ADAM7: variants seen among roughly 807,000 people sequenced by gnomAD.
The protein encoded by ADAM7 is ADAM metallopeptidase domain 7.
A neutral mutation model predicts 102.9 loss-of-function variants in ADAM7; 97 were observed. That is an observed-to-expected ratio of 0.94 (90% CI 0.80 to 1.12). ADAM7 has a LOEUF of 1.12. Among genes scored for constraint, ADAM7 ranks in the 50% most tolerant of loss-of-function variants. The probability of loss-of-function intolerance (pLI) is 0.00; values close to 1 mark genes in which losing one functional copy is unlikely to be tolerated. For synonymous variants in ADAM7, 334 were observed against 304.4 expected (o/e 1.10, Z -1.01); for missense variants, 991 against 908.7 (o/e 1.09, Z -1.16).
intron 2 of ADAM7, among the ~76,000 whole-genome samples, chr8:24,445,310 C>T (rs138494832): frequency 0.14 from 20,905 of 152,110 alleles, 1,658 homozygotes; most frequent in Non-Finnish European, 0.18. Flanking sequence ...TATGATAAAG[C>T]TGTAATTTTA....
intron 3 of ADAM7, 61 bp downstream of exon 3, chr8:24,447,323 C>G: frequency 1.1e-6 from 1 of 935,590 alleles, no homozygotes; most frequent in Non-Finnish European, 1.5e-6. Context: ...AGCCAATTTT[C>G]GTAAAAACTG....
At position 24,463,961 on chromosome 8, in the gene ADAM7, G is replaced by C; in HGVS notation, c.312+1G>C. ...GTTCACCAGGCATCCTCAGATCATG[G>C]TATCTTATGGAACTTTACTGTGTCT... On this transcript the variant is annotated splice_donor_variant, in intron 4 of 21. Transcript: ENST00000175238. LOFTEE classifies it high-confidence loss of function. 6.2e-7 allele frequency: 1 copy of C among 1,609,264 alleles called. No individual in the cohort carries two copies. Among genetic ancestry groups the C allele is most frequent in the South Asian group, 1.1e-5 (1 of 90,974 alleles).
chr8:24,461,011 G>T (rs1045637193), intron 3 of ADAM7, among the ~76,000 whole-genome samples: 4 of 151,780 alleles, frequency 2.6e-5, no homozygotes, highest in Admixed American at 2.0e-4. Context: ...GTAAGTCTTT[G>T]TCTTCCTTCT....
chr8:24,508,980 C>T lies in ADAM7; in HGVS notation c.*434C>T. The T allele has an allele frequency of 2.0e-6, 2 of 999,334 alleles. No individual in the cohort carries two copies. The highest frequency in any genetic ancestry group is 2.4e-6 in the Non-Finnish European group (2 of 839,196). The allele number at this position is 999,334 out of a possible 1,614,324, so 61.9% of individuals were successfully genotyped here. A position where few individuals can be genotyped will look rare whatever the true frequency, so the allele number is the denominator to read the frequency against. ...TAAAACTTGAACATGACATCATTAG[C>T]ACTAATTCTGGTTTAAATGAAAGTC... On this transcript the variant is annotated 3_prime_UTR_variant, in exon 22 of 22. Coordinates refer to ENST00000175238, the MANE Select transcript of ADAM7 (RefSeq NM_003817.4).
intron 21 of ADAM7, among the ~76,000 whole-genome samples, chr8:24,508,236 A>T (rs1380117242): frequency 1.3e-5 from 2 of 152,188 alleles, no homozygotes; most frequent in Admixed American, 6.5e-5. Context: ...TTTTCTAATG[A>T]TCTTTCCACT....
Position 24,466,899 on chromosome 8 carries a change from TA to T in ADAM7, c.491del (p.Tyr164LeufsTer29), listed in dbSNP as rs778867805. 1 of 1,614,086 alleles carries T rather than the reference TA, an allele frequency of 6.2e-7. No homozygotes were observed. The highest frequency in any genetic ancestry group is 1.1e-5 in the South Asian group (1 of 91,082). ...LVFKYNLRVPYGANYSCTELN... is the reference protein window; with the variant it reads ...LVFKYNLRVPXGANYSCTELN... ...GTTCAAATATAACCTGAGGGTGCCGTATGGTGCCAATTATTCCTGTACAGAG... is the reference window on the plus strand; with the variant it reads ...GTTCAAATATAACCTGAGGGTGCCGTTGGTGCCAATTATTCCTGTACAGAG... On this transcript the variant is annotated frameshift_variant, in exon 6 of 22. Transcript: ENST00000175238. LOFTEE classifies it high-confidence loss of function.
intron 3 of ADAM7, among the ~76,000 whole-genome samples, chr8:24,448,532 T>C (rs1400097029): frequency 6.6e-6 from 1 of 152,196 alleles, no homozygotes; most frequent in Non-Finnish European, 1.5e-5. Flanking sequence ...GTGAATATTA[T>C]GTGATTGGAT....
At chr8:24,485,603 A>G (rs1208223578) in intron 10 of ADAM7, among the ~76,000 whole-genome samples, 5 of 152,214 alleles carry the variant, frequency 3.3e-5, no homozygotes, top group African/African-American at 1.2e-4. Context: ...ACCACAGATC[A>G]GCATGCAATG....
At chr8:24,485,584 G>A (rs954426900) in intron 10 of ADAM7, among the ~76,000 whole-genome samples, 1 of 152,058 alleles carries the variant, frequency 6.6e-6, no homozygotes, top group Non-Finnish European at 1.5e-5. Context: ...GAGTTTAAAC[G>A]GATAGTATAC....
At chr8:24,478,895 C>T (rs563447539) in intron 8 of ADAM7, among the ~76,000 whole-genome samples, 23 of 152,100 alleles carry the variant, frequency 1.5e-4, no homozygotes, top group African/African-American at 5.6e-4. Flanking sequence ...TTTGCTAGGT[C>T]ATTAACATGC....
intron 6 of ADAM7, among the ~76,000 whole-genome samples, chr8:24,467,933 T>C (rs1819482775): frequency 1.3e-5 from 2 of 151,812 alleles, no homozygotes; most frequent in African/African-American, 4.8e-5. Flanking sequence ...GCAGTAGTGG[T>C]GTGCGCCTGT....
intron 4 of ADAM7, among the ~76,000 whole-genome samples, chr8:24,465,170 AG>A (rs967429653): frequency 2.6e-4 from 39 of 152,128 alleles, no homozygotes; most frequent in African/African-American, 9.4e-4. Context: ...TCTTTTATGC[AG>A]GGGGTGGGTT....
At chr8:24,449,461 G>A (rs1818693603) in intron 3 of ADAM7, among the ~76,000 whole-genome samples, 1 of 152,280 alleles carries the variant, frequency 6.6e-6, no homozygotes, top group East Asian at 1.9e-4. Flanking sequence ...CTTTTGAGAA[G>A]TGTCTGTTCA....
chr8:24,466,944 A>C lies in ADAM7; in HGVS notation c.535A>C (p.Thr179Pro), dbSNP rs752117930. 13 of 1,613,870 alleles carry C rather than the reference A, an allele frequency of 8.1e-6. No homozygotes were observed. The highest frequency in any genetic ancestry group is 1.1e-5 in the South Asian group (1 of 91,070). ...SCTELNFTRK[T>P]VPGDNESEED... Reference sequence around the variant, plus strand: ...TACAGAGCTTAATTTTACCAGAAAAACTGTTCCAGGGGATAATGAATCTGA... The same window carrying C: ...TACAGAGCTTAATTTTACCAGAAAACCTGTTCCAGGGGATAATGAATCTGA... The change falls in exon 6 of 22, where the codon ACT becomes CCT. Residue 179 changes from threonine to proline, a missense_variant. Transcript: ENST00000175238.
At chr8:24,467,698 A>G (rs11135805) in intron 6 of ADAM7, 41,211 of 152,214 alleles carry the variant, frequency 0.27, 6,444 homozygotes, top group South Asian at 0.4. Context: ...CTCAGAGAAT[A>G]TGTACATACC....
intron 16 of ADAM7, among the ~76,000 whole-genome samples, chr8:24,496,934 C>A (rs561238305): frequency 9.2e-5 from 14 of 152,238 alleles, no homozygotes; most frequent in African/African-American, 3.4e-4. Flanking sequence ...AATGTGAGGA[C>A]ATGAGATTTG....
At chr8:24,507,329 C>A in intron 20 of ADAM7, 151 bp from the exon 21 acceptor site, 1 of 597,134 alleles carries the variant, frequency 1.7e-6, no homozygotes, top group Non-Finnish European at 3.0e-6. Context: ...AAGCAATTTA[C>A]AAACTGTCTT....
At chr8:24,467,237 C>T (rs896958149) in intron 6 of ADAM7, 14 of 503,710 alleles carry the variant, frequency 2.8e-5, no homozygotes, top group Non-Finnish European at 4.8e-5. Context: ...AACATTGGGG[C>T]TATGAGTAGT....
At chr8:24,477,352 T>A (rs1382598503) in intron 8 of ADAM7, among the ~76,000 whole-genome samples, 1 of 152,178 alleles carries the variant, frequency 6.6e-6, no homozygotes, top group Non-Finnish European at 1.5e-5. Context: ...AGCATCTACA[T>A]AAATTAGTTG....
Sources: allele counts gnomAD v4.1 joint callset (sites outside exome capture counted in the v4.1 genomes callset), GRCh38; gene constraint gnomAD v4.1.1; transcripts MANE v1.5; gene names NCBI Gene and HGNC (gene_info 2026-07-23, HGNC 2026-07-21).